Variants in VPS13B observed in about 807,000 individuals in gnomAD.
VPS13B encodes intermembrane lipid transfer protein VPS13B.
In VPS13B, 285 loss-of-function variants were observed where a neutral mutation model predicts 426.4. The ratio of observed to expected loss-of-function variants is 0.67; its 90% CI spans 0.61 to 0.74. The LOEUF (loss-of-function observed/expected upper bound fraction) is 0.74. VPS13B is among the 30% of genes least tolerant of loss of function. The pLI is 0.00. For synonymous variants in VPS13B, 1,676 were observed against 1,676.4 expected, an observed-to-expected ratio of 1.00 and a Z score of 0.01; for missense variants, 4,537 against 4,782.6, an observed-to-expected ratio of 0.95 and a Z score of 1.51.
At position 99,644,759 on chromosome 8, in the gene VPS13B, G is replaced by A. The variant is rs543981880; in HGVS notation, c.5908+2261G>A. On this transcript the variant is annotated intron_variant, in intron 34 of 61. Coordinates refer to ENST00000357162, the MANE Select transcript of VPS13B (RefSeq NM_152564.5). ...ATGCATGATAATATTTCTTAAAAAT[G>A]AACTTAGTGATCTAGGGAAATTTTT... is the stretch of plus-strand genomic sequence containing the variant. 1.3e-4 allele frequency among the ~76,000 whole-genome samples: 20 copies of A among 152,256 alleles called. No individual in the cohort carries two copies. The South Asian group carries it at 3.9e-3, about 30-fold the overall frequency.
At chr8:99,753,900 G>A (rs1810514406) in intron 39 of VPS13B, among the ~76,000 whole-genome samples, 1 of 152,122 alleles carries the variant, frequency 6.6e-6, no homozygotes, top group South Asian at 2.1e-4. Context: ...CATTACAGGT[G>A]AAAAATCTGC....
intron 2 of VPS13B, among the ~76,000 whole-genome samples, chr8:99,016,034 A>G (rs189168619): frequency 2.6e-5 from 4 of 152,250 alleles, no homozygotes; most frequent in East Asian, 1.9e-4. Flanking sequence ...TTTTCTTTCA[A>G]CCTTTCTAAG....
At chr8:99,373,507 T>C (rs1813307578) in intron 19 of VPS13B, among the ~76,000 whole-genome samples, 1 of 152,180 alleles carries the variant, frequency 6.6e-6, no homozygotes, top group African/African-American at 2.4e-5. Context: ...CCTGGTGGAT[T>C]CTGTGACAAA....
At chr8:99,197,017 T>C (rs1050089018) in intron 17 of VPS13B, among the ~76,000 whole-genome samples, 5 of 152,134 alleles carry the variant, frequency 3.3e-5, no homozygotes. Context: ...AATCTATTAG[T>C]AGTTTTGATC....
chr8:99,727,017 A>C (rs1473222538), intron 39 of VPS13B, among the ~76,000 whole-genome samples: 1 of 152,200 alleles, frequency 6.6e-6, no homozygotes, highest in African/African-American at 2.4e-5. Flanking sequence ...GGTACTTTAC[A>C]TACATAATAA....
chr8:99,854,995 G>T (rs541075385), intron 56 of VPS13B, among the ~76,000 whole-genome samples: 69 of 152,138 alleles, frequency 4.5e-4, no homozygotes, highest in Non-Finnish European at 8.1e-4. Context: ...GAAAAGTAAG[G>T]ATTCCCTTTT....
At chr8:99,412,456 T>C (rs1303318399) in intron 21 of VPS13B, among the ~76,000 whole-genome samples, 1 of 152,220 alleles carries the variant, frequency 6.6e-6, no homozygotes, top group East Asian at 1.9e-4. Flanking sequence ...CTTATCAGCT[T>C]AAGGAGGTTT....
intron 39 of VPS13B, among the ~76,000 whole-genome samples, chr8:99,765,742 GCT>G (rs1250296639): frequency 1.2e-4 from 18 of 152,284 alleles, no homozygotes; most frequent in Middle Eastern, 3.4e-3. Context: ...ATTTGTAAGA[GCT>G]CTCTCCTATC....
rs148451082 is a variant in VPS13B, at chr8:99,344,313, G to A, written c.2825-39895G>A. Among the ~76,000 whole-genome samples, 266 of 152,182 alleles carry A rather than the reference G, an allele frequency of 1.7e-3. 1 individual carries two copies. Among genetic ancestry groups the A allele is most frequent in the African/African-American group, 6.3e-3 (260 of 41,528 alleles). On this transcript the variant is annotated intron_variant, in intron 19 of 61. Transcript: ENST00000357162. ...CATATACAAAAATCAAGTCAAAAAT[G>A]GATTAAAGACATATAAAACCTGAAA...
chr8:99,165,100 A>G (rs1349725613), intron 15 of VPS13B, among the ~76,000 whole-genome samples: 2 of 152,222 alleles, frequency 1.3e-5, no homozygotes, highest in South Asian at 4.1e-4. Context: ...ATTATTGTTT[A>G]TAACATGTTT....
chr8:99,605,674 T>G (rs1156360350), intron 33 of VPS13B, among the ~76,000 whole-genome samples: 3 of 152,196 alleles, frequency 2.0e-5, no homozygotes, highest in Non-Finnish European at 2.9e-5. Flanking sequence ...GGAAGATATT[T>G]GTGAATCTTT....
intron 19 of VPS13B, among the ~76,000 whole-genome samples, chr8:99,359,565 A>T (rs1268397626): frequency 6.6e-6 from 1 of 152,228 alleles, no homozygotes; most frequent in Non-Finnish European, 1.5e-5. Context: ...TCATGTAATT[A>T]AAAAAGGTAC....
intron 19 of VPS13B, among the ~76,000 whole-genome samples, chr8:99,332,320 A>T (rs1588259976): frequency 6.6e-6 from 1 of 151,810 alleles, no homozygotes; most frequent in East Asian, 1.9e-4. Context: ...ATTTTTAACA[A>T]GTCCCAAACA....
rs546416926 is a variant in VPS13B, at chr8:99,304,221, G to A, written c.2824+28967G>A. On this transcript the variant is annotated intron_variant, in intron 19 of 61. Transcript: ENST00000357162. The stretch of plus-strand genomic sequence containing the variant: ...GAATAAGATTTGGCACATCAAAATA[G>A]TAGTTATTATTATAATGGCTCGAGT... Among the ~76,000 whole-genome samples the A allele has an allele frequency of 9.1e-4, 138 of 152,198 alleles. 2 individuals carry two copies. The South Asian group carries it at 0.012, about 13-fold the overall frequency.
At chr8:99,431,250 A>G (rs1367369565) in intron 21 of VPS13B, among the ~76,000 whole-genome samples, 2 of 152,184 alleles carry the variant, frequency 1.3e-5, no homozygotes, top group Admixed American at 6.5e-5. Context: ...ACTTGCATGT[A>G]ATTAATAAAT....
chr8:99,125,183 G>A (rs950499498), intron 8 of VPS13B, among the ~76,000 whole-genome samples: 3 of 152,156 alleles, frequency 2.0e-5, no homozygotes, highest in Non-Finnish European at 2.9e-5. Context: ...TCAAAAGCAG[G>A]GAAGCTGACG....
intron 39 of VPS13B, among the ~76,000 whole-genome samples, chr8:99,744,621 C>T (rs1322353424): frequency 2.6e-5 from 4 of 152,064 alleles, no homozygotes; most frequent in Non-Finnish European, 5.9e-5. Flanking sequence ...ACGTATACAC[C>T]ATGGAATACT....
At chr8:99,711,942 A>G (rs1832724134) in intron 36 of VPS13B, among the ~76,000 whole-genome samples, 1 of 152,192 alleles carries the variant, frequency 6.6e-6, no homozygotes, top group Non-Finnish European at 1.5e-5. Flanking sequence ...AATCAGAAGC[A>G]TGGTAATAGC....
chr8:99,080,776 T>G (rs1432600729), intron 3 of VPS13B, among the ~76,000 whole-genome samples: 1 of 152,214 alleles, frequency 6.6e-6, no homozygotes, highest in Non-Finnish European at 1.5e-5. Context: ...TTTGTTGATT[T>G]CCTTAGCTGT....
Sources: allele counts gnomAD v4.1 joint callset (sites outside exome capture counted in the v4.1 genomes callset), GRCh38; gene constraint gnomAD v4.1.1; transcripts MANE v1.5; gene names NCBI Gene and HGNC (gene_info 2026-07-23, HGNC 2026-07-21).